The following SPAG16 variants were observed in gnomAD, a reference collection of about 807,000 sequenced individuals.
SPAG16 encodes the protein sperm associated antigen 16, also known as sperm-associated antigen 16 protein.
SPAG16 carries 86 observed loss-of-function variants against 80.4 expected under a neutral mutation model. The observed-to-expected ratio is 1.07, with a 90% CI of 0.90 to 1.28. The LOEUF is 1.28. Ranked by LOEUF, SPAG16 falls within the 50% of genes most tolerant of loss-of-function variation. The probability of loss-of-function intolerance (pLI) is 0.00; values close to 1 mark genes in which losing one functional copy is unlikely to be tolerated. For missense variants in SPAG16, 870 were observed against 765.3 expected, an observed-to-expected ratio of 1.14 and a Z score of -1.61; for synonymous variants, 294 against 265.9, an observed-to-expected ratio of 1.11 and a Z score of -1.03.
intron 7 of SPAG16, among the ~76,000 whole-genome samples, chr2:213,356,658 G>T (rs1304278487): frequency 6.6e-6 from 1 of 151,852 alleles, no homozygotes; most frequent in Non-Finnish European, 1.5e-5. Context: ...TATTAGTCTT[G>T]TTAGTGGTCT....
chr2:213,430,714 T>C (rs1292710091), intron 9 of SPAG16, among the ~76,000 whole-genome samples: 3 of 152,146 alleles, frequency 2.0e-5, no homozygotes, highest in African/African-American at 7.2e-5. Flanking sequence ...GAAATCTAGA[T>C]ACAAGAGGAC....
intron 12 of SPAG16, among the ~76,000 whole-genome samples, chr2:214,002,688 G>A (rs569152136): frequency 2.0e-5 from 3 of 152,248 alleles, no homozygotes; most frequent in South Asian, 2.1e-4. Flanking sequence ...AAGTTCAAAG[G>A]CCTGAGAACC....
chr2:214,043,235 A>G (rs749887831), intron 13 of SPAG16, among the ~76,000 whole-genome samples: 11 of 152,202 alleles, frequency 7.2e-5, no homozygotes, highest in Non-Finnish European at 1.6e-4. Flanking sequence ...TAACACTAGT[A>G]TAGCCTATTT....
chr2:213,819,085 A>C (rs1372935504), intron 10 of SPAG16, among the ~76,000 whole-genome samples: 1 of 152,190 alleles, frequency 6.6e-6, no homozygotes, highest in African/African-American at 2.4e-5. Flanking sequence ...ATTTCAGTGA[A>C]GTTTCTCTTG....
chr2:214,397,259 G>A (rs927007803), intron 15 of SPAG16, among the ~76,000 whole-genome samples: 4 of 150,322 alleles, frequency 2.7e-5, no homozygotes, highest in East Asian at 4.0e-4. Flanking sequence ...GGATTCAAGC[G>A]ATTCTCCTGC....
chr2:213,383,912 A>G (rs1382777266), intron 9 of SPAG16, among the ~76,000 whole-genome samples: 3 of 152,194 alleles, frequency 2.0e-5, no homozygotes, highest in South Asian at 4.1e-4. Flanking sequence ...TGTCTGCCCA[A>G]CTGAATGCAC....
intron 15 of SPAG16, among the ~76,000 whole-genome samples, chr2:214,278,076 T>G (rs953421854): frequency 3.9e-5 from 6 of 152,174 alleles, no homozygotes; most frequent in Admixed American, 6.5e-5. Flanking sequence ...CTCAGACTGC[T>G]GCACTAGCAG....
intron 12 of SPAG16, among the ~76,000 whole-genome samples, chr2:214,002,227 A>G (rs931895111): frequency 6.6e-6 from 1 of 152,176 alleles, no homozygotes; most frequent in Admixed American, 6.6e-5. Context: ...ATATTTGTGT[A>G]TTAATAAAGA....
intron 9 of SPAG16, among the ~76,000 whole-genome samples, chr2:213,412,505 T>C (rs948494162): frequency 6.6e-6 from 1 of 152,244 alleles, no homozygotes; most frequent in Non-Finnish European, 1.5e-5. Flanking sequence ...CGTTTAACTT[T>C]TATGAATCAA....
At chr2:213,563,044 A>C (rs1477534597) in intron 10 of SPAG16, among the ~76,000 whole-genome samples, 1 of 152,224 alleles carries the variant, frequency 6.6e-6, no homozygotes, top group Non-Finnish European at 1.5e-5. Flanking sequence ...CAGACATTTC[A>C]ACCATAGCAG....
At chr2:213,791,538 A>G (rs974063272) in intron 10 of SPAG16, among the ~76,000 whole-genome samples, 1 of 152,140 alleles carries the variant, frequency 6.6e-6, no homozygotes, top group Non-Finnish European at 1.5e-5. Context: ...TAAACCATGT[A>G]AAAGGGATTA....
intron 15 of SPAG16, among the ~76,000 whole-genome samples, chr2:214,152,438 T>C (rs149574455): frequency 1.3e-5 from 2 of 152,110 alleles, no homozygotes; most frequent in African/African-American, 2.4e-5. Flanking sequence ...CTCATGGAAA[T>C]AATGGAAGAG....
At chr2:213,954,571 A>G (rs1575640322) in intron 12 of SPAG16, among the ~76,000 whole-genome samples, 2 of 152,228 alleles carry the variant, frequency 1.3e-5, no homozygotes, top group East Asian at 3.9e-4. Flanking sequence ...ATAGATATAC[A>G]TGTGTCATGG....
chr2:214,050,852 A>G (rs762012437), intron 13 of SPAG16, among the ~76,000 whole-genome samples: 1 of 152,178 alleles, frequency 6.6e-6, no homozygotes, highest in Non-Finnish European at 1.5e-5. Context: ...TTGTAAAAAA[A>G]GATCAACCTG....
chr2:214,359,084 C>A (rs1158903476), intron 15 of SPAG16, among the ~76,000 whole-genome samples: 1 of 151,488 alleles, frequency 6.6e-6, no homozygotes, highest in Non-Finnish European at 1.5e-5. Context: ...TTTATTATTC[C>A]TATTTTATAG....
intron 8 of SPAG16, among the ~76,000 whole-genome samples, chr2:213,373,802 C>G (rs2066759671): frequency 6.6e-6 from 1 of 152,062 alleles, no homozygotes; most frequent in South Asian, 2.1e-4. Flanking sequence ...AAAATTGTAC[C>G]TATGAGTTGT....
At chr2:214,053,303 C>T (rs1037043549) in intron 13 of SPAG16, among the ~76,000 whole-genome samples, 2 of 150,820 alleles carry the variant, frequency 1.3e-5, no homozygotes, top group African/African-American at 5.0e-5. Context: ...TTAACTAGAA[C>T]AAAAAAAAAT....
At chr2:213,706,003 G>A (rs2065738569) in intron 10 of SPAG16, among the ~76,000 whole-genome samples, 1 of 152,184 alleles carries the variant, frequency 6.6e-6, no homozygotes, top group South Asian at 2.1e-4. Context: ...TAATTGCAGA[G>A]AAAGTAAGGA....
chr2:213,852,721 T>A (rs1355444116), intron 10 of SPAG16, among the ~76,000 whole-genome samples: 1 of 152,214 alleles, frequency 6.6e-6, no homozygotes, highest in Non-Finnish European at 1.5e-5. Flanking sequence ...CCCAAATTAT[T>A]ATATCACTTT....
Sources: gnomAD v4.1 joint callset for allele counts (sites outside exome capture counted in the v4.1 genomes callset) on GRCh38, gnomAD v4.1.1 for gene constraint, MANE v1.5 for transcripts, NCBI Gene and HGNC (gene_info 2026-07-23, HGNC 2026-07-21) for gene names.